Variants in DLGAP1 observed in about 807,000 individuals in gnomAD.
DLGAP1 encodes DLG associated protein 1.
A neutral mutation model predicts 90.8 loss-of-function variants in DLGAP1; 11 were observed. That is an observed-to-expected ratio of 0.12 (90% CI 0.08 to 0.20). DLGAP1 has a LOEUF of 0.20. Ranked by LOEUF, DLGAP1 falls within the 10% of genes least tolerant of loss-of-function variation. The pLI is 1.00. For missense variants in DLGAP1, 1,050 were observed against 1,333.8 expected (o/e 0.79, Z 3.31); for synonymous variants, 558 against 540.7 (o/e 1.03, Z -0.44).
chr18:3,504,384 GTTTA>G (rs776049516), intron 11 of DLGAP1, among the ~76,000 whole-genome samples: 53 of 151,880 alleles, frequency 3.5e-4, no homozygotes, highest in Non-Finnish European at 5.9e-4. Context: ...AGATATATCT[GTTTA>G]TTTATTTATT....
At chr18:3,679,671 G>A (rs1010481040) in intron 7 of DLGAP1, among the ~76,000 whole-genome samples, 6 of 150,950 alleles carry the variant, frequency 4.0e-5, no homozygotes, top group African/African-American at 1.5e-4. Flanking sequence ...AGGCACAAGT[G>A]GCTCACACCT....
chr18:4,009,007 C>G (rs1440304907), intron 2 of DLGAP1, among the ~76,000 whole-genome samples: 1 of 152,176 alleles, frequency 6.6e-6, no homozygotes, highest in Non-Finnish European at 1.5e-5. Flanking sequence ...GGGTTCACGC[C>G]GTTCTCCTGC....
chr18:3,590,789 A>C (rs922236645), intron 7 of DLGAP1, among the ~76,000 whole-genome samples: 7 of 152,092 alleles, frequency 4.6e-5, no homozygotes, highest in African/African-American at 1.7e-4. Context: ...CGGGAGGTAG[A>C]GGTTGCAGTG....
chr18:4,356,799 T>C (rs1260558618), intron 1 of DLGAP1, among the ~76,000 whole-genome samples: 1 of 152,180 alleles, frequency 6.6e-6, no homozygotes, highest in Non-Finnish European at 1.5e-5. Context: ...ATATATTTTG[T>C]TGTTTGTTAC....
intron 7 of DLGAP1, among the ~76,000 whole-genome samples, chr18:3,663,905 C>G (rs1319154675): frequency 6.6e-6 from 1 of 152,188 alleles, no homozygotes; most frequent in Non-Finnish European, 1.5e-5. Context: ...TTGAGTACAG[C>G]AGACTTCCCT....
At chr18:4,089,006 C>T (rs2075728707) in intron 2 of DLGAP1, among the ~76,000 whole-genome samples, 1 of 152,206 alleles carries the variant, frequency 6.6e-6, no homozygotes, top group South Asian at 2.1e-4. Context: ...GAGAAGAAGT[C>T]AAACTGCCTC....
intron 1 of DLGAP1, among the ~76,000 whole-genome samples, chr18:4,299,101 A>T (rs28631118): frequency 6.8e-6 from 1 of 147,652 alleles, no homozygotes; most frequent in African/African-American, 2.5e-5. Flanking sequence ...AAAAAAAAAA[A>T]AAAAAAAAAT....
intron 4 of DLGAP1, among the ~76,000 whole-genome samples, chr18:3,835,848 C>G (rs1286071323): frequency 1.3e-5 from 2 of 152,078 alleles, no homozygotes; most frequent in Non-Finnish European, 2.9e-5. Context: ...TCCCTTCTCC[C>G]TTCCAATTAT....
At chr18:3,553,466 A>G (rs930440353) in intron 9 of DLGAP1, among the ~76,000 whole-genome samples, 2 of 152,218 alleles carry the variant, frequency 1.3e-5, no homozygotes, top group Non-Finnish European at 2.9e-5. Flanking sequence ...TTGTTCAATA[A>G]TATGTAATTA....
At chr18:3,885,738 T>C (rs2071294387) in intron 3 of DLGAP1, among the ~76,000 whole-genome samples, 1 of 152,220 alleles carries the variant, frequency 6.6e-6, no homozygotes, top group African/African-American at 2.4e-5. Flanking sequence ...AATTTTACCA[T>C]TGTACCATGT....
intron 9 of DLGAP1, among the ~76,000 whole-genome samples, chr18:3,538,171 A>G (rs1168922442): frequency 6.6e-6 from 1 of 152,234 alleles, no homozygotes; most frequent in African/African-American, 2.4e-5. Flanking sequence ...TCTAGAGAAT[A>G]AAAGTCAAGA....
At chr18:3,934,074 G>A (rs1342826436) in intron 3 of DLGAP1, among the ~76,000 whole-genome samples, 1 of 152,014 alleles carries the variant, frequency 6.6e-6, no homozygotes, top group East Asian at 1.9e-4. Context: ...AAATCTTCTA[G>A]GTAAGAGTAA....
intron 3 of DLGAP1, chr18:3,978,303 T>C (rs1016190067): frequency 1.2e-5 from 5 of 403,728 alleles, no homozygotes; most frequent in Non-Finnish European, 2.4e-5. Flanking sequence ...GCCTTCTCCA[T>C]GGTCATGAAG....
At chr18:4,353,233 TC>T (rs1439216506) in intron 1 of DLGAP1, among the ~76,000 whole-genome samples, 1 of 152,214 alleles carries the variant, frequency 6.6e-6, no homozygotes, top group Non-Finnish European at 1.5e-5. Flanking sequence ...TTTATCTTGT[TC>T]TTCCTTTCTC....
intron 2 of DLGAP1, among the ~76,000 whole-genome samples, chr18:4,109,911 C>T (rs1045651764): frequency 6.6e-6 from 1 of 151,620 alleles, no homozygotes; most frequent in Non-Finnish European, 1.5e-5. Flanking sequence ...TTTGTGGGGA[C>T]AGGACTCAAG....
rs747602659 is a variant in DLGAP1 at position 3,960,921 on chromosome 18, T to C, written c.-73+44195A>G. ...TTAGTGAATCCTGGTACATGGGAAA[T>C]GAACTTCTTCTGGCCAGTGATTGGT... On this transcript the variant is annotated intron_variant, in intron 3 of 12. Coordinates refer to ENST00000315677, the MANE Select transcript of DLGAP1 (RefSeq NM_004746.4). Among the ~76,000 whole-genome samples, 81 of 152,322 alleles carry C rather than the reference T, an allele frequency of 5.3e-4. No individual in the cohort carries two copies. The South Asian group carries it at 6.6e-3, about 12-fold the overall frequency.
At chr18:4,447,729 A>C (rs988793689) in intron 1 of DLGAP1, among the ~76,000 whole-genome samples, 21 of 152,168 alleles carry the variant, frequency 1.4e-4, no homozygotes, top group Admixed American at 1.0e-3. Flanking sequence ...GAAAGAGTCA[A>C]ATATTGCTTG....
chr18:4,297,152 A>T (rs1178238862), intron 1 of DLGAP1, among the ~76,000 whole-genome samples: 1 of 152,220 alleles, frequency 6.6e-6, no homozygotes, highest in African/African-American at 2.4e-5. Flanking sequence ...ACAACAGTAT[A>T]AGGAAGATAT....
At chr18:4,309,827 G>A (rs1402969109) in intron 1 of DLGAP1, among the ~76,000 whole-genome samples, 2 of 152,106 alleles carry the variant, frequency 1.3e-5, no homozygotes, top group African/African-American at 4.8e-5. Flanking sequence ...TAGTCAAAGA[G>A]TAAAAAAGGC....
Sources: allele counts gnomAD v4.1 joint callset (sites outside exome capture counted in the v4.1 genomes callset), GRCh38; gene constraint gnomAD v4.1.1; transcripts MANE v1.5; gene names NCBI Gene and HGNC (gene_info 2026-07-23, HGNC 2026-07-21).